SIGLECL1: variants seen among roughly 807,000 people sequenced by gnomAD.
The protein encoded by SIGLECL1 is SIGLEC family-like protein 1.
In SIGLECL1, 16 loss-of-function variants were observed where a neutral mutation model predicts 19.1. The ratio of observed to expected loss-of-function variants is 0.84; its 90% CI spans 0.57 to 1.27. The LOEUF (loss-of-function observed/expected upper bound fraction) is 1.27. Among genes scored for constraint, SIGLECL1 ranks in the 50% most tolerant of loss-of-function variants. The pLI is 0.00. For synonymous variants in SIGLECL1, 89 were observed against 90.4 expected (o/e 0.98, Z 0.09); for missense variants, 210 against 239.4 (o/e 0.88, Z 0.81).
upstream of SIGLECL1, among the ~76,000 whole-genome samples, chr19:51,249,669 A>C (rs1190870943): frequency 2.0e-5 from 3 of 152,168 alleles, no homozygotes; most frequent in Non-Finnish European, 4.4e-5. Flanking sequence ...GTCAAACCAT[A>C]AACAAAAATA....
chr19:51,257,239 T>C (rs1982868984), intron 1 of SIGLECL1, among the ~76,000 whole-genome samples: 1 of 151,902 alleles, frequency 6.6e-6, no homozygotes, highest in African/African-American at 2.4e-5. Flanking sequence ...AGATCCCATC[T>C]CTACATAAAT....
At chr19:51,266,631 C>T (rs1205880402) in intron 4 of SIGLECL1, among the ~76,000 whole-genome samples, 2 of 151,988 alleles carry the variant, frequency 1.3e-5, no homozygotes, top group Non-Finnish European at 2.9e-5. Flanking sequence ...TTTCCAGTGT[C>T]TTTGTATAAT....
At chr19:51,261,580 TC>T (rs1167419232) in intron 1 of SIGLECL1, among the ~76,000 whole-genome samples, 1 of 152,154 alleles carries the variant, frequency 6.6e-6, no homozygotes, top group Non-Finnish European at 1.5e-5. Context: ...GAGCCACCGC[TC>T]CCGGCCCATT....
chr19:51,248,660 A>C (rs1055273248), upstream of SIGLECL1, among the ~76,000 whole-genome samples: 1 of 152,238 alleles, frequency 6.6e-6, no homozygotes, highest in African/African-American at 2.4e-5. Context: ...TTGAGCTGAC[A>C]TTCATGAATC....
rs1568447515 is a variant in SIGLECL1 at position 51,268,637 on chromosome 19, C to T, written c.*40C>T. On this transcript the variant is annotated 3_prime_UTR_variant, in exon 6 of 6. Transcript: ENST00000601727. ...CCTCATACCTGGAGTCGCCATTATC[C>T]CTGGAATTACAAAGATCTGCAAAAT... is the stretch of plus-strand genomic sequence containing the variant. 1.2e-6 allele frequency: 2 copies of T among 1,602,102 alleles called. No homozygotes were observed. Among genetic ancestry groups the T allele is most frequent in the Non-Finnish European group, 1.7e-6 (2 of 1,175,074 alleles).
upstream of SIGLECL1, among the ~76,000 whole-genome samples, chr19:51,246,721 T>C (rs896826673): frequency 1.3e-5 from 2 of 151,892 alleles, no homozygotes; most frequent in Non-Finnish European, 2.9e-5. Flanking sequence ...ACAGGACCCG[T>C]TTAGGATTAA....
intron 1 of SIGLECL1, among the ~76,000 whole-genome samples, chr19:51,252,722 G>C (rs1982568209): frequency 6.6e-6 from 1 of 152,184 alleles, no homozygotes. Context: ...TGGAGGCTAA[G>C]GGTTGGGAGC....
chr19:51,267,291 CA>C (rs1247756022), intron 4 of SIGLECL1, 81 bp from the exon 5 acceptor site: 1 of 1,521,388 alleles, frequency 6.6e-7, no homozygotes, highest in East Asian at 2.3e-5. Context: ...GGCTCTAAAT[CA>C]GAAGTTCTGG....
intron 1 of SIGLECL1, among the ~76,000 whole-genome samples, chr19:51,257,259 A>G (rs1982871157): frequency 6.6e-6 from 1 of 152,036 alleles, no homozygotes; most frequent in South Asian, 2.1e-4. Flanking sequence ...TTAAAAAATT[A>G]GTCAGGCATG....
chr19:51,265,449 C>A lies in SIGLECL1; in HGVS notation c.104C>A (p.Pro35His). ...TGTTCCTTCCATGGGATTCCCACAC[C>A]CTCTGTGCAGTGGTGGATGGGAGGA... Reference protein sequence around the residue: ...CSCSFHGIPTPSVQWWMGGVP... With the variant: ...CSCSFHGIPTHSVQWWMGGVP... Residue 35 changes from proline (P) to histidine (H), a missense_variant, in exon 3 of 6, where the codon CCC becomes CAC. By Grantham distance (77) the Pro-to-His change is moderately conservative. Transcript: ENST00000601727. 1 of 1,614,184 alleles carries A rather than the reference C, an allele frequency of 6.2e-7. No individual in the cohort carries two copies. Among genetic ancestry groups the A allele is most frequent in the Non-Finnish European group, 8.5e-7 (1 of 1,180,044 alleles).
intron 4 of SIGLECL1, among the ~76,000 whole-genome samples, chr19:51,266,531 AT>A (rs1983684177): frequency 2.7e-5 from 4 of 148,744 alleles, no homozygotes; most frequent in Admixed American, 2.0e-4. Context: ...AAAAAAAAAA[AT>A]TGAAATCTGA....
chr19:51,265,822 A>G lies in SIGLECL1; in HGVS notation c.350A>G (p.Gln117Arg), dbSNP rs772380299. Reference protein sequence around the residue: ...AAQAFVKGLIQGAIYAGIVIA... With the variant: ...AAQAFVKGLIRGAIYAGIVIA... The stretch of plus-strand genomic sequence containing the variant: ...CAGGCCTTCGTGAAAGGGCTGATCC[A>G]GGGTGCTATCTATGCGGGAATTGTA... The change falls in exon 4 of 6, where the codon CAG (glutamine) becomes CGG (arginine). Residue 117 changes from glutamine to arginine, a missense_variant. Gln to Arg is a conservative substitution (Grantham distance 43). Transcript: ENST00000601727. 6 of 1,614,050 alleles carry G rather than the reference A, an allele frequency of 3.7e-6. No homozygotes were observed. The African/African-American group carries it at 4.0e-5, about 11-fold the overall frequency.
chr19:51,257,515 A>G (rs2123403190), intron 1 of SIGLECL1, among the ~76,000 whole-genome samples: 1 of 152,310 alleles, frequency 6.6e-6, no homozygotes, highest in Non-Finnish European at 1.5e-5. Flanking sequence ...GCTATTCTGA[A>G]TTTGACATTT....
At chr19:51,267,053 G>A (rs368368620) in intron 4 of SIGLECL1, among the ~76,000 whole-genome samples, 19 of 152,282 alleles carry the variant, frequency 1.2e-4, no homozygotes, top group East Asian at 9.6e-4. Context: ...CAAAGATGAG[G>A]AGTGAGGTGT....
intron 1 of SIGLECL1, among the ~76,000 whole-genome samples, chr19:51,261,255 A>G (rs545398946): frequency 5.3e-5 from 8 of 151,518 alleles, no homozygotes; most frequent in Non-Finnish European, 1.2e-4. Flanking sequence ...TCTGGTTGGT[A>G]TTTGCTTGGT....
chr19:51,258,816 C>G (rs2123410190), intron 1 of SIGLECL1, among the ~76,000 whole-genome samples: 1 of 152,292 alleles, frequency 6.6e-6, no homozygotes, highest in Non-Finnish European at 1.5e-5. Context: ...ACAAAGGTCT[C>G]AGTGGAGCAC....
At chr19:51,265,686 A>G in intron 3 of SIGLECL1, 37 bp downstream of exon 3, 1 of 1,611,842 alleles carries the variant, frequency 6.2e-7, no homozygotes, top group Non-Finnish European at 8.5e-7. Context: ...GGGTGAGGAC[A>G]ATAAGCGGGA....
intron 1 of SIGLECL1, among the ~76,000 whole-genome samples, chr19:51,262,989 C>T (rs543956207): frequency 3.5e-4 from 54 of 152,278 alleles, no homozygotes; most frequent in African/African-American, 1.3e-3. Flanking sequence ...GCCTTGACCT[C>T]CCTACCTCAG....
intron 4 of SIGLECL1, 25 bp downstream of exon 4, chr19:51,265,907 C>G (rs1983633448): frequency 6.2e-7 from 1 of 1,610,136 alleles, no homozygotes; most frequent in African/African-American, 1.3e-5. Context: ...TAATATTCAC[C>G]CGCAAGCCTA....
Sources: allele counts gnomAD v4.1 joint callset (sites outside exome capture counted in the v4.1 genomes callset), GRCh38; gene constraint gnomAD v4.1.1; transcripts MANE v1.5; gene names NCBI Gene and HGNC (gene_info 2026-07-23, HGNC 2026-07-21).